VWA8: variants seen among roughly 807,000 people sequenced by gnomAD.
VWA8 encodes von Willebrand factor A domain containing 8.
In VWA8, 221 loss-of-function variants were observed where a neutral mutation model predicts 241.5. That is an observed-to-expected ratio of 0.91 (90% CI 0.82 to 1.02). VWA8 has a LOEUF of 1.02. Among genes scored for constraint, VWA8 ranks in the 50% least tolerant of loss-of-function variants. The probability of loss-of-function intolerance (pLI) is 0.00; values close to 1 mark genes in which losing one functional copy is unlikely to be tolerated. For synonymous variants in VWA8, 852 were observed against 827.1 expected (o/e 1.03, Z -0.52); for missense variants, 2,322 against 2,328.7 (o/e 1.00, Z 0.06).
In VWA8 at chr13:41,701,407, T is replaced by C; in HGVS notation, c.3349A>G (p.Ile1117Val). Residue 1117 changes from isoleucine to valine, a missense_variant, in exon 28 of 45, where the codon ATT (isoleucine) becomes GTT (valine). Ile to Val is a conservative substitution (Grantham distance 29). Transcript: ENST00000379310. ...GCAGACATACCATGTGATGTAGCAA[T>C]GTCACAGATTATATTAATTTCATCC... Reference protein sequence around the residue: ...PLDEINIICDIATSHENEQNT... With the variant: ...PLDEINIICDVATSHENEQNT... 1 of 1,604,048 alleles carries C rather than the reference T, an allele frequency of 6.2e-7. No individual in the cohort carries two copies. Among genetic ancestry groups the C allele is most frequent in the Non-Finnish European group, 8.5e-7 (1 of 1,176,768 alleles).
intron 21 of VWA8, among the ~76,000 whole-genome samples, chr13:41,755,512 G>A (rs1055843397): frequency 2.6e-5 from 4 of 151,748 alleles, no homozygotes; most frequent in African/African-American, 9.7e-5. Flanking sequence ...TATATTTTCA[G>A]TTTAGTAATT....
chr13:41,745,098 C>T (rs894606655), intron 21 of VWA8, among the ~76,000 whole-genome samples: 1 of 152,074 alleles, frequency 6.6e-6, no homozygotes, highest in Non-Finnish European at 1.5e-5. Flanking sequence ...CTTGGCTTCC[C>T]AAAGTACTGG....
intron 25 of VWA8, among the ~76,000 whole-genome samples, chr13:41,720,777 T>C (rs756876426): frequency 3.3e-5 from 5 of 152,192 alleles, no homozygotes; most frequent in Admixed American, 1.3e-4. Flanking sequence ...TCAAGAGTTG[T>C]TGGGTTGTGA....
chr13:41,779,161 T>C (rs1219862393), intron 19 of VWA8, among the ~76,000 whole-genome samples: 1 of 148,396 alleles, frequency 6.7e-6, no homozygotes, highest in Non-Finnish European at 1.5e-5. Flanking sequence ...TTCAATTTCG[T>C]TTATGGTGCT....
At chr13:41,739,302 TTCA>T (rs1340090822) in intron 21 of VWA8, among the ~76,000 whole-genome samples, 2 of 152,150 alleles carry the variant, frequency 1.3e-5, no homozygotes, top group African/African-American at 4.8e-5. Flanking sequence ...ATGAATATTT[TTCA>T]TCATCAAGAG....
At chr13:41,804,368 T>C (rs922461381) in intron 17 of VWA8, among the ~76,000 whole-genome samples, 1 of 152,086 alleles carries the variant, frequency 6.6e-6, no homozygotes, top group Non-Finnish European at 1.5e-5. Context: ...ACATTTAAAG[T>C]GCTGAAGGAA....
intron 12 of VWA8, among the ~76,000 whole-genome samples, chr13:41,839,278 G>A (rs946039330): frequency 2.2e-4 from 34 of 152,190 alleles, no homozygotes; most frequent in African/African-American, 7.9e-4. Context: ...TATGTCTGTT[G>A]GCTGCATAAA....
intron 17 of VWA8, among the ~76,000 whole-genome samples, chr13:41,801,514 A>G (rs1869960484): frequency 6.6e-6 from 1 of 152,222 alleles, no homozygotes; most frequent in Non-Finnish European, 1.5e-5. Context: ...CATAGTCACC[A>G]TAAAAATAAT....
Position 41,819,230 on chromosome 13 carries a change from C to T in VWA8, c.1857G>A (p.Val619=), listed in dbSNP as rs1212789408. 1.2e-6 allele frequency: 2 copies of T among 1,600,998 alleles called. No individual in the cohort carries two copies. Among genetic ancestry groups the T allele is most frequent in the African/African-American group, 2.7e-5 (2 of 74,032 alleles). ...KPLVKSEEIQ[V]IKEKVPNVPQ... Reference sequence around the variant, plus strand: ...GCTTTCTTCTTACCTTTTCCTTAATCACTTGGATTTCTTCACTTTTCACAA... The same window carrying T: ...GCTTTCTTCTTACCTTTTCCTTAATTACTTGGATTTCTTCACTTTTCACAA... The change falls in exon 15 of 45, where the codon GTG becomes GTA. Residue 619 remains valine (V), a synonymous_variant. Transcript: ENST00000379310.
intron 37 of VWA8, among the ~76,000 whole-genome samples, chr13:41,649,747 T>C (rs1022671367): frequency 2.6e-5 from 4 of 152,122 alleles, no homozygotes; most frequent in African/African-American, 9.7e-5. Flanking sequence ...CAGAATTCAC[T>C]TCTAGTAACA....
chr13:41,677,479 G>A lies in VWA8; in HGVS notation c.4328-2183C>T, dbSNP rs566212374. ...AGATGAAGAAACTGAGGCTTATAGA[G>A]GTAATGTAACAATATGACTTATTTG... On this transcript the variant is annotated intron_variant, in intron 35 of 44. Coordinates refer to ENST00000379310, the MANE Select transcript of VWA8 (RefSeq NM_015058.2). Among the ~76,000 whole-genome samples, 16 of 152,256 alleles carry A rather than the reference G, an allele frequency of 1.1e-4. No homozygotes were observed. In the South Asian group the frequency reaches 3.3e-3, roughly 32 times the overall value.
intron 37 of VWA8, among the ~76,000 whole-genome samples, chr13:41,657,955 G>A (rs1312380376): frequency 6.6e-6 from 1 of 152,220 alleles, no homozygotes; most frequent in East Asian, 1.9e-4. Flanking sequence ...ACAGACACTG[G>A]TAACTTGCTA....
At chr13:41,723,149 T>C (rs995943778) in intron 24 of VWA8, among the ~76,000 whole-genome samples, 1 of 152,084 alleles carries the variant, frequency 6.6e-6, no homozygotes, top group Non-Finnish European at 1.5e-5. Flanking sequence ...GGAAAACATA[T>C]TCTCTCTCTC....
chr13:41,641,106 G>T (rs1395106695), intron 37 of VWA8, among the ~76,000 whole-genome samples: 1 of 152,094 alleles, frequency 6.6e-6, no homozygotes, highest in Non-Finnish European at 1.5e-5. Context: ...CCCTTGTTTT[G>T]CTTCTCCTTT....
chr13:41,881,796 G>A (rs1327299983), intron 9 of VWA8, among the ~76,000 whole-genome samples: 1 of 145,614 alleles, frequency 6.9e-6, no homozygotes, highest in Non-Finnish European at 1.5e-5. Flanking sequence ...CTTCCCAGTA[G>A]GGGCGGCCGG....
intron 39 of VWA8, among the ~76,000 whole-genome samples, chr13:41,609,624 T>G (rs1026946411): frequency 6.6e-6 from 1 of 152,138 alleles, no homozygotes; most frequent in African/African-American, 2.4e-5. Context: ...AAATGAAATA[T>G]TCACCAAATG....
Position 41,570,485 on chromosome 13 carries a change from T to C in VWA8, c.5592A>G (p.Leu1864=), listed in dbSNP as rs1022677746. ...ACACTTACCTGGTTGCTTGATCACCTAAAGAGCCAATAAAAATGGCAAAAG... is the reference window on the plus strand; with the variant it reads ...ACACTTACCTGGTTGCTTGATCACCCAAAGAGCCAATAAAAATGGCAAAAG... ...VNAFAIFIGS[L]GDQATRLQRT... Residue 1864 remains leucine, a synonymous_variant, in exon 44 of 45, where the codon TTA becomes TTG. Coordinates refer to ENST00000379310, the MANE Select transcript of VWA8 (RefSeq NM_015058.2). 14 of 1,614,034 alleles carry C rather than the reference T, an allele frequency of 8.7e-6. No homozygotes were observed. In the Admixed American group the frequency reaches 1.0e-4, roughly 12 times the overall value.
chr13:41,838,160 A>G (rs1871827529), intron 12 of VWA8, among the ~76,000 whole-genome samples: 1 of 152,174 alleles, frequency 6.6e-6, no homozygotes, highest in Non-Finnish European at 1.5e-5. Flanking sequence ...TAAAGCAATG[A>G]TATGCTTTAA....
At position 41,731,243 on chromosome 13, in the gene VWA8, T is replaced by C. The variant is rs75988740; in HGVS notation, c.2502+837A>G. 8.5e-5 allele frequency among the ~76,000 whole-genome samples: 13 copies of C among 152,134 alleles called. No homozygotes were observed. The East Asian group carries it at 1.2e-3, about 14-fold the overall frequency. ...TTCACATGATGACTTATTTGTGCCA[T>C]TACTGCAAAGGTGTCATGTGCGCAG... On this transcript the variant is annotated intron_variant, in intron 22 of 44. Coordinates refer to ENST00000379310, the MANE Select transcript of VWA8 (RefSeq NM_015058.2).
Sources: allele counts gnomAD v4.1 joint callset (sites outside exome capture counted in the v4.1 genomes callset), GRCh38; gene constraint gnomAD v4.1.1; transcripts MANE v1.5; gene names NCBI Gene and HGNC (gene_info 2026-07-23, HGNC 2026-07-21).